USP33: variants seen among roughly 807,000 people sequenced by gnomAD.
USP33 encodes ubiquitin specific peptidase 33, also known as ubiquitin carboxyl-terminal hydrolase 33.
USP33 carries 46 observed loss-of-function variants against 124.2 expected under a neutral mutation model. The observed-to-expected ratio is 0.37, with a 90% CI of 0.29 to 0.47. The LOEUF (loss-of-function observed/expected upper bound fraction) is 0.47, where lower values mean the gene tolerates loss of function less well. Ranked by LOEUF, USP33 falls within the 20% of genes least tolerant of loss-of-function variation. The probability of loss-of-function intolerance (pLI) is 0.99; values close to 1 mark genes in which losing one functional copy is unlikely to be tolerated. For synonymous variants in USP33, 350 were observed against 352.3 expected, an observed-to-expected ratio of 0.99 and a Z score of 0.07; for missense variants, 851 against 1,070.6, an observed-to-expected ratio of 0.79 and a Z score of 2.86.
chr1:77,754,566 TA>T (rs1247589370), intron 1 of USP33, among the ~76,000 whole-genome samples: 2 of 152,232 alleles, frequency 1.3e-5, no homozygotes, highest in African/African-American at 4.8e-5. Context: ...ATTCTGAGAA[TA>T]AAATCATTCA....
At chr1:77,757,047 G>A (rs1680866167) in intron 1 of USP33, among the ~76,000 whole-genome samples, 1 of 152,162 alleles carries the variant, frequency 6.6e-6, no homozygotes, top group African/African-American at 2.4e-5. Flanking sequence ...TTCTACCGAT[G>A]TTTTCTCAAA....
intron 21 of USP33, among the ~76,000 whole-genome samples, chr1:77,705,127 A>AG (rs11418255): frequency 0.38 from 52,978 of 138,978 alleles, 11,791 homozygotes; most frequent in African/African-American, 0.61. Context: ...TAAAAAAAAA[A>AG]GGGGGGGGGC....
At chr1:77,753,671 C>G (rs1405458665) in intron 1 of USP33, among the ~76,000 whole-genome samples, 1 of 151,832 alleles carries the variant, frequency 6.6e-6, no homozygotes, top group Non-Finnish European at 1.5e-5. Context: ...GAGCAAGGCT[C>G]CACTATCTCC....
intron 15 of USP33, chr1:77,720,179 A>G: frequency 2.4e-6 from 1 of 411,794 alleles, no homozygotes; most frequent in Non-Finnish European, 3.3e-6. Context: ...AAAAAAAAAA[A>G]AAAAAAAAAA....
intron 10 of USP33, among the ~76,000 whole-genome samples, chr1:77,727,974 C>T (rs1677348356): frequency 6.6e-6 from 1 of 152,088 alleles, no homozygotes; most frequent in South Asian, 2.1e-4. Flanking sequence ...GGGTTATTTG[C>T]TTTTTTCCAG....
chr1:77,718,983 G>A (rs1351712231), intron 15 of USP33, among the ~76,000 whole-genome samples: 1 of 149,808 alleles, frequency 6.7e-6, no homozygotes, highest in African/African-American at 2.5e-5. Flanking sequence ...AAAGATATCA[G>A]ACTAGAAATA....
At chr1:77,712,395 G>A (rs762840484) in intron 20 of USP33, among the ~76,000 whole-genome samples, 4 of 152,148 alleles carry the variant, frequency 2.6e-5, no homozygotes, top group Non-Finnish European at 5.9e-5. Flanking sequence ...ATGGTGATGT[G>A]TGCCTGTAAT....
chr1:77,721,239 A>G, intron 14 of USP33, 34 bp from the exon 15 acceptor site: 2 of 1,612,864 alleles, frequency 1.2e-6, no homozygotes, highest in Non-Finnish European at 1.7e-6. Flanking sequence ...TTGGTTTCAA[A>G]TTAACAGCAA....
chr1:77,741,003 G>T, intron 3 of USP33, 64 bp from the exon 4 acceptor site: 1 of 1,076,866 alleles, frequency 9.3e-7, no homozygotes, highest in Non-Finnish European at 1.3e-6. Context: ...ATTTATAACA[G>T]CATTACAATT....
intron 11 of USP33, 83 bp from the exon 12 acceptor site, chr1:77,723,526 T>TA (rs1190488674): frequency 2.3e-6 from 2 of 865,088 alleles, no homozygotes. Context: ...TTGTCAATCT[T>TA]ACTTGTATAT....
chr1:77,705,745 T>C (rs1163198461), intron 21 of USP33, among the ~76,000 whole-genome samples: 5 of 152,198 alleles, frequency 3.3e-5, no homozygotes, highest in African/African-American at 1.2e-4. Flanking sequence ...TGTAAATTTA[T>C]AGTTGTGCAA....
Position 77,697,090 on chromosome 1 carries a change from A to G in USP33, c.*227T>C. ...AAGCAAGACTCTGTCTCAAAAAAAA[A>G]TTACACTGAAAGACTTTATGGTAAG... On this transcript the variant is annotated 3_prime_UTR_variant, in exon 24 of 24. Transcript: ENST00000370794. The G allele has an allele frequency of 2.9e-6, 1 of 350,166 alleles. No individual in the cohort carries two copies. The highest frequency in any genetic ancestry group is 5.0e-6 in the Non-Finnish European group (1 of 200,174). The allele number at this position is 350,166 out of a possible 1,614,324, so 21.7% of individuals were successfully genotyped here.
intron 10 of USP33, among the ~76,000 whole-genome samples, chr1:77,726,026 T>C (rs1478163174): frequency 6.6e-6 from 1 of 152,202 alleles, no homozygotes; most frequent in Non-Finnish European, 1.5e-5. Flanking sequence ...CTCAGCTCAC[T>C]GCAACCTCCG....
At chr1:77,736,194 T>C in intron 5 of USP33, 36 bp from the exon 6 acceptor site, 2 of 1,438,472 alleles carry the variant, frequency 1.4e-6, no homozygotes, top group Non-Finnish European at 9.6e-7. Context: ...CTTGAACAAA[T>C]CCTTAAATTT....
At chr1:77,711,558 CACAA>C in intron 21 of USP33, 185 bp downstream of exon 21, 4 of 849,628 alleles carry the variant, frequency 4.7e-6, no homozygotes, top group Non-Finnish European at 6.7e-6. Flanking sequence ...CACACACACA[CACAA>C]AGGGAGAACA....
chr1:77,722,983 G>A (rs1676744521), intron 12 of USP33, among the ~76,000 whole-genome samples: 1 of 152,154 alleles, frequency 6.6e-6, no homozygotes, highest in South Asian at 2.1e-4. Flanking sequence ...TTGTACCTGT[G>A]AATATCAACA....
rs74323403 is a variant in USP33, at chr1:77,708,448, C to T, written c.2406+3299G>A. 7.0e-3 allele frequency among the ~76,000 whole-genome samples: 1,071 copies of T among 152,288 alleles called. 15 individuals are homozygous for T. Among genetic ancestry groups the T allele is most frequent in the African/African-American group, 0.024 (998 of 41,556 alleles). On this transcript the variant is annotated intron_variant, in intron 21 of 23. Transcript: ENST00000370794. The stretch of plus-strand genomic sequence containing the variant: ...TATTGTATGCAGCTAACATCTTTAA[C>T]AGCAGCATCCTGTGTCTCCTGGGCG...
At position 77,698,562 on chromosome 1, in the gene USP33, ATCATCTCGGCTCACTGCAAG is replaced by A. The variant is rs571084584; in HGVS notation, c.2510-651_2510-632del. Reference sequence around the variant, plus strand: ...TTGCCAAGGGCTGGAGTGCAGTGGCATCATCTCGGCTCACTGCAAGCTCCGCCTCCCAGGTTCATGCCATT... The same window carrying A: ...TTGCCAAGGGCTGGAGTGCAGTGGCACTCCGCCTCCCAGGTTCATGCCATT... On this transcript the variant is annotated intron_variant, in intron 22 of 23. Coordinates refer to ENST00000370794, the MANE Select transcript of USP33 (RefSeq NM_201624.3). Among the ~76,000 whole-genome samples, 915 of 145,538 alleles carry A rather than the reference ATCATCTCGGCTCACTGCAAG, an allele frequency of 6.3e-3. 6 individuals are homozygous for A. Among genetic ancestry groups the A allele is most frequent in the South Asian group, 0.014 (64 of 4,648 alleles).
At chr1:77,739,754 A>C (rs1678903253) in intron 4 of USP33, among the ~76,000 whole-genome samples, 1 of 152,258 alleles carries the variant, frequency 6.6e-6, no homozygotes, top group East Asian at 1.9e-4. Flanking sequence ...TATTCTAAGA[A>C]ATCAGAATGG....
Sources: allele counts gnomAD v4.1 joint callset (sites outside exome capture counted in the v4.1 genomes callset), GRCh38; gene constraint gnomAD v4.1.1; transcripts MANE v1.5; gene names NCBI Gene and HGNC (gene_info 2026-07-23, HGNC 2026-07-21).